Variants in LRP1B observed in about 807,000 individuals in gnomAD.
The protein encoded by LRP1B is low-density lipoprotein receptor-related protein 1B.
A neutral mutation model predicts 556.6 loss-of-function variants in LRP1B; 217 were observed. The observed-to-expected ratio is 0.39, with a 90% CI of 0.35 to 0.44. The LOEUF (loss-of-function observed/expected upper bound fraction) is 0.44, where lower values mean the gene tolerates loss of function less well. Among genes scored for constraint, LRP1B ranks in the 20% least tolerant of loss-of-function variants. The probability of loss-of-function intolerance (pLI) is 1.00; values close to 1 mark genes in which losing one functional copy is unlikely to be tolerated. For synonymous variants in LRP1B, 2,047 were observed against 1,865.8 expected, an observed-to-expected ratio of 1.10 and a Z score of -2.50; for missense variants, 5,053 against 5,620.8, an observed-to-expected ratio of 0.90 and a Z score of 3.23.
intron 7 of LRP1B, among the ~76,000 whole-genome samples, chr2:141,145,787 C>T (rs1446349009): frequency 6.6e-6 from 1 of 152,138 alleles, no homozygotes; most frequent in Non-Finnish European, 1.5e-5. Context: ...CACACCTCTG[C>T]CTCCCAAAGT....
At chr2:141,262,897 T>C (rs954670121) in intron 3 of LRP1B, among the ~76,000 whole-genome samples, 8 of 152,028 alleles carry the variant, frequency 5.3e-5, no homozygotes, top group African/African-American at 1.4e-4. Flanking sequence ...TATATTTCCA[T>C]GTAAATTTTA....
rs115049832 is a variant in LRP1B at position 142,009,685 on chromosome 2, T to G, written c.82+120963A>C. Among the ~76,000 whole-genome samples, 754 of 152,328 alleles carry G rather than the reference T, an allele frequency of 4.9e-3. 4 individuals are homozygous for G. The highest frequency in any genetic ancestry group is 0.016 in the African/African-American group (675 of 41,586). Reference sequence around the variant, plus strand: ...AAATATTATCTATATTTTCAGGCTATATGATTTTATGCTGCATATATGTCT... The same window carrying G: ...AAATATTATCTATATTTTCAGGCTAGATGATTTTATGCTGCATATATGTCT... On this transcript the variant is annotated intron_variant, in intron 1 of 90. Coordinates refer to ENST00000389484, the MANE Select transcript of LRP1B (RefSeq NM_018557.3).
At chr2:142,124,607 T>C (rs115863605) in intron 1 of LRP1B, among the ~76,000 whole-genome samples, 6,065 of 151,820 alleles carry the variant, frequency 0.04, 177 homozygotes, top group Non-Finnish European at 0.056. Context: ...AAATAATAAA[T>C]TTCCACTTTC....
intron 2 of LRP1B, among the ~76,000 whole-genome samples, chr2:141,578,453 G>T (rs1468026630): frequency 1.3e-5 from 2 of 150,854 alleles, no homozygotes; most frequent in African/African-American, 2.4e-5. Context: ...CACCATCTTT[G>T]CTTGAAGAAA....
At chr2:141,390,623 A>G (rs1281386678) in intron 3 of LRP1B, among the ~76,000 whole-genome samples, 1 of 152,226 alleles carries the variant, frequency 6.6e-6, no homozygotes, top group Non-Finnish European at 1.5e-5. Flanking sequence ...GTACTGATAC[A>G]TTCTACAACA....
chr2:141,425,460 G>A (rs1028346520), intron 3 of LRP1B, among the ~76,000 whole-genome samples: 2 of 151,532 alleles, frequency 1.3e-5, no homozygotes, highest in African/African-American at 4.9e-5. Context: ...GGGTCAAATG[G>A]TATTTCCAGT....
chr2:141,238,948 T>C (rs1683761412), intron 5 of LRP1B, among the ~76,000 whole-genome samples: 1 of 152,004 alleles, frequency 6.6e-6, no homozygotes. Flanking sequence ...GATCTGTGAG[T>C]CTAGAGCCGT....
intron 2 of LRP1B, among the ~76,000 whole-genome samples, chr2:141,624,149 T>C (rs983977289): frequency 1.3e-5 from 2 of 151,406 alleles, no homozygotes; most frequent in African/African-American, 2.4e-5. Context: ...GTTATCCACA[T>C]AGTAAGTAAA....
At chr2:140,815,487 T>A (rs1194442160) in intron 31 of LRP1B, among the ~76,000 whole-genome samples, 1 of 152,060 alleles carries the variant, frequency 6.6e-6, no homozygotes, top group Non-Finnish European at 1.5e-5. Flanking sequence ...TTTTTTTCTT[T>A]TTCTTTTAGT....
intron 43 of LRP1B, among the ~76,000 whole-genome samples, chr2:140,564,309 T>A (rs1056251038): frequency 6.6e-6 from 1 of 152,262 alleles, no homozygotes; most frequent in East Asian, 1.9e-4. Flanking sequence ...ATCCTTTAGA[T>A]ATTCACTTTA....
intron 14 of LRP1B, among the ~76,000 whole-genome samples, chr2:141,011,350 C>T (rs1044915848): frequency 1.3e-5 from 2 of 151,902 alleles, no homozygotes; most frequent in African/African-American, 4.8e-5. Context: ...AGACAAACTG[C>T]TCACAACTGA....
chr2:141,321,605 G>A (rs1302538039), intron 3 of LRP1B, among the ~76,000 whole-genome samples: 2 of 151,990 alleles, frequency 1.3e-5, no homozygotes, highest in African/African-American at 4.8e-5. Flanking sequence ...TCTGATCCAT[G>A]TGTCCACCCT....
chr2:140,714,648 G>A (rs149971854), intron 37 of LRP1B, among the ~76,000 whole-genome samples: 1 of 152,222 alleles, frequency 6.6e-6, no homozygotes, highest in Non-Finnish European at 1.5e-5. Context: ...CATTTCCAGT[G>A]TATCTATGGG....
chr2:140,648,182 T>C (rs567366143), intron 41 of LRP1B, among the ~76,000 whole-genome samples: 330 of 152,064 alleles, frequency 2.2e-3, no homozygotes, highest in Non-Finnish European at 3.9e-3. Flanking sequence ...AGCAAACTAT[T>C]GCAAGGACAG....
chr2:140,762,156 A>G (rs1688947684), intron 35 of LRP1B, among the ~76,000 whole-genome samples: 1 of 152,054 alleles, frequency 6.6e-6, no homozygotes, highest in African/African-American at 2.4e-5. Context: ...TCATAATTAC[A>G]ACAAGATTAA....
At position 142,115,258 on chromosome 2, in the gene LRP1B, C is replaced by A. The variant is rs1316781125; in HGVS notation, c.82+15390G>T. Among the ~76,000 whole-genome samples the A allele has an allele frequency of 6.0e-5, 9 of 149,758 alleles. 1 individual carries two copies. In the Admixed American group the frequency reaches 6.1e-4, roughly 10 times the overall value. The stretch of plus-strand genomic sequence containing the variant: ...GGCTGCAAACAGAGAAAAAAAAATA[C>A]AAGATGAGCTTGGAACATCTGGCAG... On this transcript the variant is annotated intron_variant, in intron 1 of 90. Coordinates refer to ENST00000389484, the MANE Select transcript of LRP1B (RefSeq NM_018557.3).
At chr2:141,400,147 G>C (rs1246853678) in intron 3 of LRP1B, among the ~76,000 whole-genome samples, 2 of 151,888 alleles carry the variant, frequency 1.3e-5, no homozygotes, top group East Asian at 3.9e-4. Flanking sequence ...CAACTGGCTA[G>C]TTAAAAAAAA....
chr2:140,935,031 C>T (rs1695162802), intron 20 of LRP1B, among the ~76,000 whole-genome samples: 1 of 152,094 alleles, frequency 6.6e-6, no homozygotes, highest in Non-Finnish European at 1.5e-5. Flanking sequence ...TAACCTACAG[C>T]AATTTAAGGG....
At chr2:140,658,656 A>G (rs533420694) in intron 41 of LRP1B, among the ~76,000 whole-genome samples, 1 of 152,122 alleles carries the variant, frequency 6.6e-6, no homozygotes, top group South Asian at 2.1e-4. Context: ...GTACATTAGG[A>G]TCAAATGTTT....
Sources: allele counts gnomAD v4.1 joint callset (sites outside exome capture counted in the v4.1 genomes callset), GRCh38; gene constraint gnomAD v4.1.1; transcripts MANE v1.5; gene names NCBI Gene and HGNC (gene_info 2026-07-23, HGNC 2026-07-21).